The following CHL1 variants were observed in gnomAD, a reference collection of about 807,000 sequenced individuals.
The protein encoded by CHL1 is cell adhesion molecule L1 like, also known as neural cell adhesion molecule L1-like protein.
A neutral mutation model predicts 141.9 loss-of-function variants in CHL1; 96 were observed. The ratio of observed to expected loss-of-function variants is 0.68; its 90% CI spans 0.57 to 0.80. The LOEUF is 0.80. Ranked by LOEUF, CHL1 falls within the 30% of genes least tolerant of loss-of-function variation. The pLI, the probability that CHL1 is intolerant of heterozygous loss-of-function variation, is 0.00. For synonymous variants in CHL1, 613 were observed against 502.2 expected (o/e 1.22, Z -2.95); for missense variants, 1,820 against 1,457.2 (o/e 1.25, Z -4.05).
At chr3:255,290 G>C (rs560350205) in intron 2 of CHL1, among the ~76,000 whole-genome samples, 37 of 152,292 alleles carry the variant, frequency 2.4e-4, no homozygotes, top group African/African-American at 8.9e-4. Context: ...AATGACTGGA[G>C]TCCCAGCTGC....
chr3:366,576 T>C (rs1449419348), intron 15 of CHL1, among the ~76,000 whole-genome samples: 2 of 151,940 alleles, frequency 1.3e-5, no homozygotes, highest in African/African-American at 4.8e-5. Context: ...ATGTTTATCA[T>C]CCTGTTTTTG....
chr3:302,515 CAT>C (rs1242570689), intron 2 of CHL1, among the ~76,000 whole-genome samples: 1 of 152,146 alleles, frequency 6.6e-6, no homozygotes, highest in Non-Finnish European at 1.5e-5. Context: ...AGCATTTTTT[CAT>C]ATGTCTGTTG....
intron 11 of CHL1, among the ~76,000 whole-genome samples, chr3:358,205 G>C (rs115116338): frequency 3.5e-4 from 53 of 152,090 alleles, no homozygotes; most frequent in African/African-American, 9.4e-4. Flanking sequence ...AGTGCTTGGA[G>C]AGCATTCCTT....
At chr3:385,174 T>C (rs1282635936) in intron 19 of CHL1, among the ~76,000 whole-genome samples, 7 of 152,196 alleles carry the variant, frequency 4.6e-5, no homozygotes, top group African/African-American at 1.7e-4. Context: ...TTAAGTTCCA[T>C]AGAAATTTTC....
intron 1 of CHL1, among the ~76,000 whole-genome samples, chr3:209,103 C>T (rs34374128): frequency 3.3e-5 from 5 of 152,282 alleles, no homozygotes; most frequent in Middle Eastern, 6.8e-3. Context: ...AAAAGTTGAA[C>T]AAAAGAAGCC....
intron 16 of CHL1, among the ~76,000 whole-genome samples, chr3:378,748 A>G (rs1342647737): frequency 6.6e-6 from 1 of 152,178 alleles, no homozygotes; most frequent in Non-Finnish European, 1.5e-5. Context: ...TGCCAAAGTC[A>G]TGGCTTCTGC....
intron 24 of CHL1, among the ~76,000 whole-genome samples, chr3:396,591 G>C (rs1000096669): frequency 6.6e-6 from 1 of 152,110 alleles, no homozygotes; most frequent in African/African-American, 2.4e-5. Context: ...AGGTGATGTG[G>C]CATCTTTTCT....
chr3:398,517 G>T, intron 25 of CHL1, 132 bp downstream of exon 25: 1 of 529,406 alleles, frequency 1.9e-6, no homozygotes. Context: ...ATTTCAATTT[G>T]TTTTGACATA....
intron 2 of CHL1, among the ~76,000 whole-genome samples, chr3:307,456 T>A (rs1425129145): frequency 6.6e-6 from 1 of 152,320 alleles, no homozygotes; most frequent in East Asian, 1.9e-4. Context: ...GAGATAATAT[T>A]CTAGCTGCAG....
intron 2 of CHL1, among the ~76,000 whole-genome samples, chr3:261,060 T>C (rs2125193747): frequency 6.6e-6 from 1 of 152,260 alleles, no homozygotes; most frequent in East Asian, 1.9e-4. Flanking sequence ...AACCTTATAA[T>C]AACATCACTA....
chr3:269,525 C>CTATA (rs1273227218), intron 2 of CHL1, among the ~76,000 whole-genome samples: 7 of 151,952 alleles, frequency 4.6e-5, no homozygotes, highest in Non-Finnish European at 1.0e-4. Context: ...AAGACTCTCT[C>CTATA]TCTCTATATA....
rs900534827 is a variant in CHL1, at chr3:386,722, T to C, written c.2248-2530T>C. Among the ~76,000 whole-genome samples the C allele has an allele frequency of 2.6e-5, 4 of 152,276 alleles. No homozygotes were observed. The South Asian group carries it at 8.3e-4, about 32-fold the overall frequency. ...CCTGGTTATATAATCGCATCCAAGA[T>C]AGTTAACTCCTAATGGATCTAGGTT... On this transcript the variant is annotated intron_variant, in intron 19 of 27. Transcript: ENST00000256509.
chr3:391,536 C>A, intron 22 of CHL1, 139 bp from the exon 23 acceptor site: 1 of 637,628 alleles, frequency 1.6e-6, no homozygotes. Context: ...AATAAATAAA[C>A]ATTATTCCTT....
At chr3:343,112 C>A in intron 8 of CHL1, 81 bp downstream of exon 8, 3 of 1,102,374 alleles carry the variant, frequency 2.7e-6, no homozygotes, top group Non-Finnish European at 2.6e-6. Flanking sequence ...CTTTAATATC[C>A]TCTTAAGTTT....
At chr3:397,229 A>C (rs1359896471) in intron 24 of CHL1, among the ~76,000 whole-genome samples, 2 of 152,144 alleles carry the variant, frequency 1.3e-5, no homozygotes, top group Non-Finnish European at 2.9e-5. Flanking sequence ...GTCAAAATTA[A>C]TTGCACTCTG....
At chr3:392,999 C>A (rs780780415) in intron 23 of CHL1, among the ~76,000 whole-genome samples, 2 of 151,928 alleles carry the variant, frequency 1.3e-5, no homozygotes, top group South Asian at 2.1e-4. Flanking sequence ...AGTGGGAGGC[C>A]GAGGCTGGTG....
chr3:373,952 T>C (rs964016294), intron 15 of CHL1: 34 of 152,346 alleles, frequency 2.2e-4, no homozygotes, highest in African/African-American at 7.0e-4. Context: ...GAAACCTGGA[T>C]ACCTTGGTTG....
chr3:374,319 A>G (rs1177695644), intron 15 of CHL1, among the ~76,000 whole-genome samples: 1 of 152,140 alleles, frequency 6.6e-6, no homozygotes, highest in Non-Finnish European at 1.5e-5. Flanking sequence ...TACGCTTTGC[A>G]ATACAGATCT....
At chr3:288,816 C>T (rs1015901079) in intron 2 of CHL1, among the ~76,000 whole-genome samples, 3 of 152,162 alleles carry the variant, frequency 2.0e-5, no homozygotes, top group African/African-American at 4.8e-5. Context: ...GACAGCTTAT[C>T]ATTAAATATA....
Sources: gnomAD v4.1 joint callset for allele counts (sites outside exome capture counted in the v4.1 genomes callset) on GRCh38, gnomAD v4.1.1 for gene constraint, MANE v1.5 for transcripts, NCBI Gene and HGNC (gene_info 2026-07-23, HGNC 2026-07-21) for gene names.